Variants in EPHB2 observed in about 807,000 individuals in gnomAD.
The protein encoded by EPHB2 is EPH receptor B2.
Under a neutral mutation model 96.4 loss-of-function variants are expected in EPHB2, and 18 were observed. That is an observed-to-expected ratio of 0.19 (90% CI 0.13 to 0.28). EPHB2 has a LOEUF of 0.28. Among genes scored for constraint, EPHB2 ranks in the 10% least tolerant of loss-of-function variants. EPHB2 has a pLI of 1.00. For missense variants in EPHB2, 989 were observed against 1,355.4 expected (o/e 0.73, Z 4.25); for synonymous variants, 506 against 534.1 (o/e 0.95, Z 0.72).
intron 1 of EPHB2, among the ~76,000 whole-genome samples, chr1:22,760,878 C>G (rs995608604): frequency 6.6e-6 from 1 of 152,100 alleles, no homozygotes; most frequent in South Asian, 2.1e-4. Context: ...TTTCTTTCAT[C>G]CTCCCGACGA....
intron 5 of EPHB2, among the ~76,000 whole-genome samples, chr1:22,868,486 T>C (rs1397903014): frequency 6.6e-6 from 1 of 152,186 alleles, no homozygotes; most frequent in Non-Finnish European, 1.5e-5. Context: ...CACTCACTAG[T>C]GTGTGGGTCA....
chr1:22,869,183 C>T (rs534934468), intron 5 of EPHB2, among the ~76,000 whole-genome samples: 1 of 152,168 alleles, frequency 6.6e-6, no homozygotes, highest in Admixed American at 6.5e-5. Flanking sequence ...ACCACACCCC[C>T]ACCCCATTAT....
intron 5 of EPHB2, among the ~76,000 whole-genome samples, chr1:22,870,889 GATAGCTTCGCCCTCTCCTT>G (rs1419775647): frequency 1.3e-5 from 2 of 152,216 alleles, no homozygotes; most frequent in African/African-American, 4.8e-5. Context: ...CTTCCTCATG[GATAGCTTCGCCCTCTCCTT>G]ACAGGAGGAT....
rs766228761 is a variant in EPHB2 at position 22,896,562 on chromosome 1, C to T, written c.1765+84C>T. ...GACCTCTTAAGCCATCTTTGACCTC[C>T]TTCTGCCATGCTGCAGGCAGACAAT... On this transcript the variant is annotated intron_variant, in intron 9 of 15. Transcript: ENST00000374630. The T allele has an allele frequency of 1.9e-4, 296 of 1,554,570 alleles. 1 individual carries two copies. The highest frequency in any genetic ancestry group is 2.5e-4 in the Non-Finnish European group (278 of 1,130,870).
chr1:22,776,077 C>T (rs1484119814), intron 1 of EPHB2, among the ~76,000 whole-genome samples: 3 of 152,162 alleles, frequency 2.0e-5, no homozygotes, highest in Admixed American at 2.0e-4. Context: ...GCTAACCGTT[C>T]ATGGCCCTGT....
chr1:22,737,508 T>G (rs767175364), intron 1 of EPHB2, among the ~76,000 whole-genome samples: 69 of 152,228 alleles, frequency 4.5e-4, no homozygotes, highest in Non-Finnish European at 8.5e-4. Flanking sequence ...CCCCAGCTGC[T>G]GCCTAGAATG....
intron 3 of EPHB2, among the ~76,000 whole-genome samples, chr1:22,802,611 G>A (rs1012487658): frequency 1.3e-5 from 2 of 152,048 alleles, no homozygotes; most frequent in South Asian, 4.2e-4. Context: ...GGACACAAGG[G>A]TAGTCCGTAG....
chr1:22,753,228 C>A (rs1254404117), intron 1 of EPHB2, among the ~76,000 whole-genome samples: 2 of 152,208 alleles, frequency 1.3e-5, no homozygotes, highest in Non-Finnish European at 2.9e-5. Flanking sequence ...CAAATCTTGG[C>A]TGTGTGACCC....
intron 1 of EPHB2, among the ~76,000 whole-genome samples, chr1:22,722,726 G>A (rs751012212): frequency 7.2e-5 from 11 of 152,318 alleles, no homozygotes; most frequent in Admixed American, 2.0e-4. Context: ...AAGCAGCGTG[G>A]TCTTAGACTA....
intron 1 of EPHB2, among the ~76,000 whole-genome samples, chr1:22,758,049 G>A (rs1452901559): frequency 2.7e-5 from 4 of 147,518 alleles, no homozygotes; most frequent in Non-Finnish European, 3.0e-5. Context: ...CTCCCGAGTA[G>A]CTGGGACTAC....
chr1:22,753,880 A>T (rs6656394), intron 1 of EPHB2, among the ~76,000 whole-genome samples: 30,383 of 152,160 alleles, frequency 0.2, 3,683 homozygotes, highest in East Asian at 0.6. Flanking sequence ...AGATGTGGTG[A>T]AAGGGCCTTC....
At chr1:22,895,687 C>G (rs1639536646) in intron 8 of EPHB2, 107 bp downstream of exon 8, 2 of 1,057,494 alleles carry the variant, frequency 1.9e-6, no homozygotes, top group East Asian at 2.5e-5. Flanking sequence ...GGCATTCTCA[C>G]AATTGCAGGG....
At chr1:22,775,531 C>T (rs1644438783) in intron 1 of EPHB2, among the ~76,000 whole-genome samples, 1 of 152,258 alleles carries the variant, frequency 6.6e-6, no homozygotes, top group South Asian at 2.1e-4. Context: ...CCCGCTCCAG[C>T]CTGAGAGCAG....
intron 3 of EPHB2, among the ~76,000 whole-genome samples, chr1:22,805,312 T>G (rs1460124894): frequency 6.7e-6 from 1 of 149,922 alleles, no homozygotes; most frequent in East Asian, 1.9e-4. Context: ...GTACGCAGTC[T>G]CTCTCAGCCT....
chr1:22,824,360 G>T (rs1645194270), intron 3 of EPHB2, among the ~76,000 whole-genome samples: 1 of 152,208 alleles, frequency 6.6e-6, no homozygotes, highest in Non-Finnish European at 1.5e-5. Context: ...ACTCAGGCCA[G>T]TGAGTAGGAA....
At chr1:22,783,810 G>A (rs1644569331) in intron 2 of EPHB2, among the ~76,000 whole-genome samples, 1 of 152,128 alleles carries the variant, frequency 6.6e-6, no homozygotes, top group Non-Finnish European at 1.5e-5. Flanking sequence ...CCTCCCTCCA[G>A]GTACCCAAGA....
Position 22,863,108 on chromosome 1 carries a change from A to T in EPHB2, c.883A>T (p.Thr295Ser). The T allele has an allele frequency of 6.2e-7, 1 of 1,614,196 alleles. No individual in the cohort carries two copies. The part of the protein sequence containing the change: ...ACTHCPINSR[T>S]TSEGATNCVC... ...TACCCACTGTCCCATCAACAGCCGG[A>T]CCACTTCTGAAGGGGCCACCAACTG... Residue 295 changes from threonine (T) to serine (S), a missense_variant, in exon 4 of 16, where the codon ACC becomes TCC. By Grantham distance (58) the Thr-to-Ser change is moderately conservative (BLOSUM62 1). Coordinates refer to ENST00000374630, the MANE Select transcript of EPHB2 (RefSeq NM_017449.5).
At chr1:22,891,491 A>G (rs1639385571) in intron 6 of EPHB2, among the ~76,000 whole-genome samples, 1 of 152,224 alleles carries the variant, frequency 6.6e-6, no homozygotes, top group Non-Finnish European at 1.5e-5. Flanking sequence ...CCTGTGCCTT[A>G]GCTCCCTGTA....
chr1:22,751,509 CAG>C (rs1255143270), intron 1 of EPHB2, among the ~76,000 whole-genome samples: 4 of 152,238 alleles, frequency 2.6e-5, no homozygotes, highest in Admixed American at 1.3e-4. Flanking sequence ...CAAGTCTCAA[CAG>C]AGCCTGAGTG....
Sources: gnomAD v4.1 joint callset for allele counts (sites outside exome capture counted in the v4.1 genomes callset) on GRCh38, gnomAD v4.1.1 for gene constraint, MANE v1.5 for transcripts, NCBI Gene and HGNC (gene_info 2026-07-23, HGNC 2026-07-21) for gene names.